The following DUSP16 variants were observed in gnomAD, a reference collection of about 807,000 sequenced individuals.
DUSP16 encodes dual specificity protein phosphatase 16.
Under a neutral mutation model 58.3 loss-of-function variants are expected in DUSP16, and 21 were observed. The ratio of observed to expected loss-of-function variants is 0.36; its 90% CI spans 0.26 to 0.52. The LOEUF (loss-of-function observed/expected upper bound fraction) is 0.52, where lower values mean the gene tolerates loss of function less well. Ranked by LOEUF, DUSP16 falls within the 20% of genes least tolerant of loss-of-function variation. The pLI, the probability that DUSP16 is intolerant of heterozygous loss-of-function variation, is 0.94. For missense variants in DUSP16, 726 were observed against 819.0 expected, an observed-to-expected ratio of 0.89 and a Z score of 1.39; for synonymous variants, 320 against 323.8, an observed-to-expected ratio of 0.99 and a Z score of 0.12.
intron 1 of DUSP16, among the ~76,000 whole-genome samples, chr12:12,540,249 T>C (rs536167310): frequency 1.3e-5 from 2 of 152,022 alleles, no homozygotes; most frequent in East Asian, 1.9e-4. Context: ...ACTGGGGAGC[T>C]TGAGCCCGGG....
intron 2 of DUSP16, 34 bp from the exon 3 acceptor site, chr12:12,520,034 G>A (rs1436150004): frequency 1.9e-6 from 3 of 1,612,522 alleles, no homozygotes; most frequent in Non-Finnish European, 2.5e-6. Flanking sequence ...TTAGGAAGAA[G>A]GTGAGAAAAG....
At position 12,528,238 on chromosome 12, in the gene DUSP16, G is replaced by C. The variant is rs117967181; in HGVS notation, c.-365-6775C>G. ...TAGACACACTCCTCCTGGCCCACAG[G>C]CTCCTTCACCTACCCCTCTACACTT... On this transcript the variant is annotated intron_variant, in intron 1 of 6. Transcript: ENST00000298573. Among the ~76,000 whole-genome samples the C allele has an allele frequency of 5.3e-4, 80 of 151,944 alleles. 1 individual carries two copies. The East Asian group carries it at 0.012, about 22-fold the overall frequency.
Position 12,562,815 on chromosome 12 carries a change from C to A in DUSP16, c.-1064G>T, listed in dbSNP as rs1440102745. ...GCGCGGCTCCGCGCCTCGTTCCGGCCGCTCGGGGAGGGGTCAGGTCATGTT... is the reference window on the plus strand; with the variant it reads ...GCGCGGCTCCGCGCCTCGTTCCGGCAGCTCGGGGAGGGGTCAGGTCATGTT... On this transcript the variant is annotated 5_prime_UTR_variant, in exon 1 of 7. Transcript: ENST00000298573. Among the ~76,000 whole-genome samples the A allele has an allele frequency of 1.3e-5, 2 of 151,812 alleles. No homozygotes were observed. The highest frequency in any genetic ancestry group is 3.9e-4 in the East Asian group (2 of 5,156).
chr12:12,479,690 CAG>C (rs1943525327), intron 6 of DUSP16, among the ~76,000 whole-genome samples: 1 of 152,266 alleles, frequency 6.6e-6, no homozygotes, highest in African/African-American at 2.4e-5. Flanking sequence ...TCAGACAAAT[CAG>C]AGACTGGAGG....
intron 1 of DUSP16, among the ~76,000 whole-genome samples, chr12:12,527,815 C>T (rs1160457399): frequency 6.6e-6 from 1 of 152,146 alleles, no homozygotes; most frequent in Admixed American, 6.5e-5. Flanking sequence ...TTATCCGCAC[C>T]GTAGAACCCA....
intron 4 of DUSP16, among the ~76,000 whole-genome samples, chr12:12,489,306 C>A (rs1179979660): frequency 1.3e-5 from 2 of 152,154 alleles, no homozygotes; most frequent in African/African-American, 2.4e-5. Context: ...TTTACTACAA[C>A]CTTTAAACTT....
rs1327695337 is a variant in DUSP16, at chr12:12,473,545, C to T, written c.*3288G>A. 1.3e-5 allele frequency among the ~76,000 whole-genome samples: 2 copies of T among 152,160 alleles called. No individual in the cohort carries two copies. Among genetic ancestry groups the T allele is most frequent in the African/African-American group, 4.8e-5 (2 of 41,430 alleles). On this transcript the variant is annotated 3_prime_UTR_variant, in exon 7 of 7. Transcript: ENST00000298573. Reference sequence around the variant, plus strand: ...ACCTCTTTTTCTGCAGGGTCCTGGCCAAGATAGCTCTTCTAGTCTAGCTCA... The same window carrying T: ...ACCTCTTTTTCTGCAGGGTCCTGGCTAAGATAGCTCTTCTAGTCTAGCTCA...
At chr12:12,490,003 T>C (rs912065046) in intron 4 of DUSP16, among the ~76,000 whole-genome samples, 9 of 152,212 alleles carry the variant, frequency 5.9e-5, no homozygotes, top group Non-Finnish European at 1.0e-4. Flanking sequence ...ATTATTGACC[T>C]CCTGGGGTCA....
chr12:12,481,921 CAAT>C (rs911491900), intron 5 of DUSP16, among the ~76,000 whole-genome samples: 1 of 152,172 alleles, frequency 6.6e-6, no homozygotes, highest in African/African-American at 2.4e-5. Flanking sequence ...TACTCAATTT[CAAT>C]AAGAAGTAGC....
chr12:12,493,248 T>C (rs1446018150), intron 4 of DUSP16, among the ~76,000 whole-genome samples: 1 of 152,112 alleles, frequency 6.6e-6, no homozygotes, highest in Non-Finnish European at 1.5e-5. Context: ...GGCAACTGCA[T>C]CTCCGAGTCT....
intron 3 of DUSP16, among the ~76,000 whole-genome samples, chr12:12,515,488 T>C (rs894550270): frequency 1.3e-5 from 2 of 151,398 alleles, no homozygotes; most frequent in African/African-American, 4.9e-5. Context: ...CCACCACACC[T>C]GGTTAATTTT....
chr12:12,560,559 C>T (rs1862480310), intron 1 of DUSP16, among the ~76,000 whole-genome samples: 1 of 152,160 alleles, frequency 6.6e-6, no homozygotes, highest in South Asian at 2.1e-4. Flanking sequence ...AAACCTTTCA[C>T]CGTGCCTACT....
intron 1 of DUSP16, among the ~76,000 whole-genome samples, chr12:12,548,633 AAAAAAAAAAAAAAAG>A (rs1944682426): frequency 7.1e-6 from 1 of 140,148 alleles, no homozygotes; most frequent in South Asian, 2.3e-4. Flanking sequence ...TCTGTCTCAA[AAAAAAAAAAAAAAAG>A]AAAAAGAAAA....
intron 1 of DUSP16, among the ~76,000 whole-genome samples, chr12:12,539,867 A>G (rs752748391): frequency 3.8e-4 from 58 of 151,958 alleles, no homozygotes; most frequent in Non-Finnish European, 6.2e-4. Context: ...CCTGACCAAC[A>G]TGGTGAAACC....
rs1045796355 is a variant in DUSP16, at chr12:12,521,470, GGAGA to G, written c.-365-11_-365-8del. On this transcript the variant is annotated splice_region_variant and splice_polypyrimidine_tract_variant and intron_variant, in intron 1 of 6. Transcript: ENST00000298573. ...TTTACACTGGACTGAAAGCCTACGC[GGAGA>G]GAGAAAGACAGAAAACAAAACGTGA... The G allele has an allele frequency of 2.8e-5, 29 of 1,053,362 alleles. No homozygotes were observed. The highest frequency in any genetic ancestry group is 5.0e-5 in the African/African-American group (3 of 59,658). The allele number at this position is 1,053,362 out of a possible 1,614,324, so 65.3% of individuals were successfully genotyped here. A position where few individuals can be genotyped will look rare whatever the true frequency, so the allele number is the denominator to read the frequency against.
At chr12:12,545,019 C>A (rs1461024015) in intron 1 of DUSP16, among the ~76,000 whole-genome samples, 1 of 152,130 alleles carries the variant, frequency 6.6e-6, no homozygotes, top group Non-Finnish European at 1.5e-5. Context: ...TAGTGTGAAT[C>A]CTACAACTTT....
chr12:12,491,354 CTTATTG>C (rs1480517229), intron 4 of DUSP16: 3 of 151,940 alleles, frequency 2.0e-5, no homozygotes, highest in Admixed American at 6.5e-5. Context: ...CCTGACTCAT[CTTATTG>C]TTTGTAATGG....
rs576084010 is a variant in DUSP16, at chr12:12,552,938, AC to A, written c.-366+9178del. On this transcript the variant is annotated intron_variant, in intron 1 of 6. Transcript: ENST00000298573. ...TGGGATTACAGGCGCCCACCACCAC[AC>A]CTGGCTAATTTTTGTATTTTTAGTA... 3.6e-4 allele frequency among the ~76,000 whole-genome samples: 55 copies of A among 151,418 alleles called. 1 individual carries two copies. In the East Asian group the frequency reaches 0.011, roughly 29 times the overall value.
At chr12:12,480,526 C>T (rs1261231502) in intron 5 of DUSP16, among the ~76,000 whole-genome samples, 180 bp from the exon 6 acceptor site, 2 of 152,166 alleles carry the variant, frequency 1.3e-5, no homozygotes, top group Non-Finnish European at 2.9e-5. Context: ...AATTCCCTCA[C>T]CACTGACATG....
Sources: gnomAD v4.1 joint callset for allele counts (sites outside exome capture counted in the v4.1 genomes callset) on GRCh38, gnomAD v4.1.1 for gene constraint, MANE v1.5 for transcripts, NCBI Gene and HGNC (gene_info 2026-07-23, HGNC 2026-07-21) for gene names.